Variants in SEC24B observed in about 807,000 individuals in gnomAD.
SEC24B encodes protein transport protein Sec24B.
Under a neutral mutation model 142.8 loss-of-function variants are expected in SEC24B, and 45 were observed. The ratio of observed to expected loss-of-function variants is 0.32; its 90% confidence interval spans 0.25 to 0.40. The LOEUF (loss-of-function observed/expected upper bound fraction) is 0.40, where lower values mean the gene tolerates loss of function less well. Ranked by LOEUF, SEC24B falls within the 10% of genes least tolerant of loss-of-function variation. The probability of loss-of-function intolerance (pLI) is 1.00; values close to 1 mark genes in which losing one functional copy is unlikely to be tolerated. For missense variants in SEC24B, 1,409 were observed against 1,526.8 expected (o/e 0.92, Z 1.29); for synonymous variants, 574 against 568.2 (o/e 1.01, Z -0.15).
intron 4 of SEC24B, 56 bp downstream of exon 4, chr4:109,481,837 G>A (rs1163495560): frequency 5.3e-6 from 7 of 1,321,870 alleles, no homozygotes; most frequent in African/African-American, 1.5e-5. Flanking sequence ...TTTTCTTTTT[G>A]TTTCCACAGT....
At chr4:109,521,854 C>A (rs1032300597) in intron 14 of SEC24B, among the ~76,000 whole-genome samples, 1 of 151,846 alleles carries the variant, frequency 6.6e-6, no homozygotes, top group South Asian at 2.1e-4. Context: ...GCTTCAGCCT[C>A]CTGAGTAGCT....
intron 2 of SEC24B, among the ~76,000 whole-genome samples, chr4:109,465,170 G>A (rs1274893300): frequency 6.6e-6 from 1 of 151,982 alleles, no homozygotes; most frequent in Non-Finnish European, 1.5e-5. Flanking sequence ...CTTTTTTTTA[G>A]CATCCATAGT....
At chr4:109,447,440 T>C (rs1578763463) in intron 1 of SEC24B, among the ~76,000 whole-genome samples, 1 of 152,314 alleles carries the variant, frequency 6.6e-6, no homozygotes, top group East Asian at 1.9e-4. Flanking sequence ...GATGAACCTC[T>C]TTTAGGGCCT....
chr4:109,453,523 G>A (rs565993733), intron 1 of SEC24B, among the ~76,000 whole-genome samples: 1 of 133,578 alleles, frequency 7.5e-6, no homozygotes, highest in African/African-American at 2.8e-5. Flanking sequence ...TCTCTTACCC[G>A]TGTTCGGTAA....
rs114048340 is a variant in SEC24B at position 109,477,397 on chromosome 4, C to T, written c.1060+4211C>T. Among the ~76,000 whole-genome samples, 1,317 of 152,106 alleles carry T rather than the reference C, an allele frequency of 8.7e-3. 24 individuals are homozygous for T. Among genetic ancestry groups the T allele is most frequent in the African/African-American group, 0.03 (1,257 of 41,490 alleles). ...GCAGTAGCTCAGCTCACTGCAGCCT[C>T]GACCCTTGAGACCACTGGGGCTCAA... On this transcript the variant is annotated intron_variant, in intron 3 of 23. Coordinates refer to ENST00000265175, the MANE Select transcript of SEC24B (RefSeq NM_006323.5).
intron 4 of SEC24B, among the ~76,000 whole-genome samples, chr4:109,485,622 TAAAG>T (rs945349686): frequency 3.9e-5 from 6 of 152,212 alleles, no homozygotes; most frequent in African/African-American, 1.2e-4. Context: ...GGTTGCAAAT[TAAAG>T]AAACATTCTC....
In SEC24B at chr4:109,457,634, G is replaced by T. The variant is rs562847244; in HGVS notation, c.134-5267G>T. Among the ~76,000 whole-genome samples the T allele has an allele frequency of 2.0e-5, 3 of 152,098 alleles. No homozygotes were observed. The South Asian group carries it at 6.2e-4, about 32-fold the overall frequency. On this transcript the variant is annotated intron_variant, in intron 1 of 23. Coordinates refer to ENST00000265175, the MANE Select transcript of SEC24B (RefSeq NM_006323.5). ...AAATTTCAAGATGAGTTTTGGAGGA[G>T]CAAACATTTAAACCATAGCAGTCAT...
At chr4:109,515,193 C>T (rs931729621) in intron 10 of SEC24B, among the ~76,000 whole-genome samples, 6 of 151,980 alleles carry the variant, frequency 3.9e-5, no homozygotes, top group African/African-American at 9.7e-5. Context: ...CTCTGCCTCC[C>T]GGGTTCACGA....
intron 11 of SEC24B, among the ~76,000 whole-genome samples, chr4:109,519,601 T>C (rs1723386598): frequency 6.6e-6 from 1 of 152,148 alleles, no homozygotes; most frequent in African/African-American, 2.4e-5. Flanking sequence ...ATCTTAGAAG[T>C]CTCACAGGAG....
intron 4 of SEC24B, among the ~76,000 whole-genome samples, chr4:109,483,045 T>G (rs1465843517): frequency 1.1e-5 from 1 of 93,644 alleles, no homozygotes; most frequent in African/African-American, 6.9e-5. Context: ...TATATATATG[T>G]ATTTATGTAT....
At chr4:109,512,748 A>G (rs1737492519) in intron 9 of SEC24B, among the ~76,000 whole-genome samples, 1 of 149,018 alleles carries the variant, frequency 6.7e-6, no homozygotes, top group Non-Finnish European at 1.5e-5. Flanking sequence ...TCTGCTTTCC[A>G]GGTTCAAGCT....
At chr4:109,488,266 T>C (rs1734595976) in intron 4 of SEC24B, among the ~76,000 whole-genome samples, 2 of 152,172 alleles carry the variant, frequency 1.3e-5, no homozygotes, top group Admixed American at 1.3e-4. Context: ...TTCTTCCCAT[T>C]CTACCCTCCC....
intron 5 of SEC24B, among the ~76,000 whole-genome samples, chr4:109,492,194 A>G (rs578169723): frequency 1.5e-4 from 22 of 151,232 alleles, no homozygotes; most frequent in South Asian, 8.3e-4. Flanking sequence ...TCACTATTCT[A>G]TGAATCAGTA....
chr4:109,516,483 A>T, intron 10 of SEC24B, 45 bp from the exon 11 acceptor site: 1 of 1,195,754 alleles, frequency 8.4e-7, no homozygotes. Context: ...TAAAAAGAAT[A>T]AATTGTACCT....
At chr4:109,501,070 A>G (rs1214061953) in intron 6 of SEC24B, among the ~76,000 whole-genome samples, 2 of 152,168 alleles carry the variant, frequency 1.3e-5, no homozygotes, top group Non-Finnish European at 2.9e-5. Context: ...TCACTGACTC[A>G]CCCAGAGCAA....
intron 7 of SEC24B, among the ~76,000 whole-genome samples, chr4:109,506,838 C>T (rs1736740239): frequency 6.6e-6 from 1 of 152,048 alleles, no homozygotes; most frequent in South Asian, 2.1e-4. Context: ...CTTCTGATAT[C>T]TTTTCAATAA....
At chr4:109,440,584 A>G (rs1051909849) in intron 1 of SEC24B, among the ~76,000 whole-genome samples, 2 of 152,218 alleles carry the variant, frequency 1.3e-5, no homozygotes, top group African/African-American at 4.8e-5. Flanking sequence ...CTTACTTAAC[A>G]TGCTTCAGAG....
At chr4:109,474,463 C>T (rs1259797574) in intron 3 of SEC24B, among the ~76,000 whole-genome samples, 1 of 143,942 alleles carries the variant, frequency 6.9e-6, no homozygotes, top group Non-Finnish European at 1.5e-5. Flanking sequence ...CTTGCTCTGT[C>T]ACCCGGGGTT....
At chr4:109,472,488 C>G (rs1340287969) in intron 2 of SEC24B, among the ~76,000 whole-genome samples, 3 of 152,164 alleles carry the variant, frequency 2.0e-5, no homozygotes, top group Non-Finnish European at 4.4e-5. Context: ...TGGTTAGAAA[C>G]AGCAAATGAG....
Sources: gnomAD v4.1 joint callset for allele counts (sites outside exome capture counted in the v4.1 genomes callset) on GRCh38, gnomAD v4.1.1 for gene constraint, MANE v1.5 for transcripts, NCBI Gene and HGNC (gene_info 2026-07-23, HGNC 2026-07-21) for gene names.